XRCC4: variants seen among roughly 807,000 people sequenced by gnomAD.
XRCC4 encodes the protein X-ray repair cross complementing 4.
XRCC4 carries 28 observed loss-of-function variants against 39.1 expected under a neutral mutation model. That is an observed-to-expected ratio of 0.72 (90% CI 0.53 to 0.98). The LOEUF is 0.98. Ranked by LOEUF, XRCC4 falls within the 50% of genes least tolerant of loss-of-function variation. XRCC4 has a pLI of 0.00. For missense variants in XRCC4, 350 were observed against 376.4 expected, an observed-to-expected ratio of 0.93 and a Z score of 0.58; for synonymous variants, 123 against 126.4, an observed-to-expected ratio of 0.97 and a Z score of 0.18.
intron 3 of XRCC4, among the ~76,000 whole-genome samples, chr5:83,141,318 C>T (rs1187352134): frequency 1.2e-4 from 18 of 152,056 alleles, no homozygotes; most frequent in Admixed American, 1.2e-3. Context: ...CAGGTGAATT[C>T]CTACATGTGT....
intron 3 of XRCC4, among the ~76,000 whole-genome samples, chr5:83,171,590 C>G (rs1226181819): frequency 6.6e-6 from 1 of 152,136 alleles, no homozygotes; most frequent in Admixed American, 6.6e-5. Flanking sequence ...AATAGCTGCC[C>G]TGAAGATGGG....
At chr5:83,217,358 C>CAAAAAAAAAAAAAAAAAAAAAAA (rs59416363) in intron 6 of XRCC4, among the ~76,000 whole-genome samples, 26 of 96,134 alleles carry the variant, frequency 2.7e-4, no homozygotes, top group African/African-American at 1.1e-3. Flanking sequence ...GACTCCGTCT[C>CAAAAAAAAAAAAAAAAAAAAAAA]AAAAAAAAAA....
intron 3 of XRCC4, among the ~76,000 whole-genome samples, chr5:83,178,715 A>G (rs975496919): frequency 5.3e-5 from 8 of 152,224 alleles, no homozygotes; most frequent in African/African-American, 1.9e-4. Flanking sequence ...TAAACATTCA[A>G]AGGAAAAATG....
intron 4 of XRCC4, among the ~76,000 whole-genome samples, chr5:83,197,687 A>T (rs1399468365): frequency 6.6e-6 from 1 of 152,034 alleles, no homozygotes; most frequent in Non-Finnish European, 1.5e-5. Context: ...TCTTGTTGTG[A>T]AGAGATTTCC....
chr5:83,176,840 T>C (rs967049339), intron 3 of XRCC4, among the ~76,000 whole-genome samples: 19 of 152,122 alleles, frequency 1.2e-4, no homozygotes, highest in Non-Finnish European at 7.4e-5. Flanking sequence ...CAGGCTGGTC[T>C]CAAACTTCTG....
intron 7 of XRCC4, among the ~76,000 whole-genome samples, chr5:83,282,092 A>C (rs2112955957): frequency 6.6e-6 from 1 of 152,352 alleles, no homozygotes; most frequent in East Asian, 1.9e-4. Flanking sequence ...TATGTCAGAA[A>C]TAGATTCTGA....
intron 3 of XRCC4, among the ~76,000 whole-genome samples, chr5:83,139,819 G>A (rs1425295334): frequency 6.6e-6 from 1 of 152,114 alleles, no homozygotes; most frequent in Non-Finnish European, 1.5e-5. Context: ...GTAAAAATAA[G>A]GTATTATAAT....
intron 3 of XRCC4, among the ~76,000 whole-genome samples, chr5:83,192,093 G>A (rs1750721028): frequency 6.6e-6 from 1 of 151,660 alleles, no homozygotes; most frequent in Admixed American, 6.6e-5. Context: ...AAAGCTAAAA[G>A]TATTTATTCT....
intron 7 of XRCC4, among the ~76,000 whole-genome samples, chr5:83,272,724 A>G (rs550873472): frequency 7.9e-5 from 12 of 152,060 alleles, no homozygotes; most frequent in Non-Finnish European, 1.3e-4. Flanking sequence ...ATAGTGTCCA[A>G]CTTCATCCAT....
intron 7 of XRCC4, among the ~76,000 whole-genome samples, chr5:83,282,739 G>A (rs1011554018): frequency 6.6e-6 from 1 of 152,114 alleles, no homozygotes; most frequent in African/African-American, 2.4e-5. Flanking sequence ...CTACTCGGGA[G>A]GCTGAGACAG....
At chr5:83,140,552 A>G (rs1173342806) in intron 3 of XRCC4, among the ~76,000 whole-genome samples, 1 of 152,180 alleles carries the variant, frequency 6.6e-6, no homozygotes, top group African/African-American at 2.4e-5. Flanking sequence ...GAGATACAAT[A>G]TTTTGCCAGC....
At position 83,159,221 on chromosome 5, in the gene XRCC4, A is replaced by G. The variant is rs537433564; in HGVS notation, c.316-36549A>G. Among the ~76,000 whole-genome samples, 44 of 152,286 alleles carry G rather than the reference A, an allele frequency of 2.9e-4. No individual in the cohort carries two copies. In the South Asian group the frequency reaches 8.7e-3, roughly 30 times the overall value. ...TAAAAAATAATAATTATTCATTTCAATTCTGCTTATATTTCCAAATTATAT... is the reference window on the plus strand; with the variant it reads ...TAAAAAATAATAATTATTCATTTCAGTTCTGCTTATATTTCCAAATTATAT... On this transcript the variant is annotated intron_variant, in intron 3 of 7. Transcript: ENST00000396027.
intron 7 of XRCC4, among the ~76,000 whole-genome samples, chr5:83,290,509 C>G: frequency 6.6e-6 from 1 of 151,518 alleles, no homozygotes; most frequent in East Asian, 1.9e-4. Context: ...AGATTATCTG[C>G]TAAAAATCAA....
intron 3 of XRCC4, among the ~76,000 whole-genome samples, chr5:83,146,629 G>A (rs998591931): frequency 6.6e-6 from 1 of 152,078 alleles, no homozygotes; most frequent in Non-Finnish European, 1.5e-5. Context: ...CATTTGTCAC[G>A]GTATTGCAAG....
chr5:83,208,010 C>G (rs977587639), intron 6 of XRCC4, among the ~76,000 whole-genome samples: 7 of 152,090 alleles, frequency 4.6e-5, no homozygotes, highest in African/African-American at 1.4e-4. Context: ...TTTATTCAGA[C>G]TTTCAGAAAG....
At chr5:83,257,710 T>A (rs576769031) in intron 6 of XRCC4, among the ~76,000 whole-genome samples, 45 of 152,322 alleles carry the variant, frequency 3.0e-4, no homozygotes, top group African/African-American at 1.0e-3. Flanking sequence ...GTATTCTAAA[T>A]CATTCTACTA....
chr5:83,316,486 C>T (rs1248870954), intron 7 of XRCC4, among the ~76,000 whole-genome samples: 1 of 148,914 alleles, frequency 6.7e-6, no homozygotes, highest in Non-Finnish European at 1.5e-5. Context: ...CACATAGGCT[C>T]AAAATAAAAG....
chr5:83,226,908 AT>A (rs2112804632), intron 6 of XRCC4, among the ~76,000 whole-genome samples: 1 of 152,038 alleles, frequency 6.6e-6, no homozygotes, highest in South Asian at 2.1e-4. Context: ...AGTATTGGTC[AT>A]TGTTTTTTCA....
chr5:83,228,994 T>G (rs1429015575), intron 6 of XRCC4, among the ~76,000 whole-genome samples: 2 of 152,096 alleles, frequency 1.3e-5, no homozygotes, highest in Non-Finnish European at 2.9e-5. Context: ...ATATTTATAG[T>G]TCCTGTGGTG....
Sources: gnomAD v4.1 joint callset for allele counts (sites outside exome capture counted in the v4.1 genomes callset) on GRCh38, gnomAD v4.1.1 for gene constraint, MANE v1.5 for transcripts, NCBI Gene and HGNC (gene_info 2026-07-23, HGNC 2026-07-21) for gene names.